ERBB4: variants seen among roughly 807,000 people sequenced by gnomAD.
The protein encoded by ERBB4 is erb-b2 receptor tyrosine kinase 4.
Under a neutral mutation model 158.0 loss-of-function variants are expected in ERBB4, and 42 were observed. The ratio of observed to expected loss-of-function variants is 0.27; its 90% CI spans 0.21 to 0.34. ERBB4 has a LOEUF of 0.34. Ranked by LOEUF, ERBB4 falls within the 10% of genes least tolerant of loss-of-function variation. ERBB4 has a pLI of 1.00. For missense variants in ERBB4, 1,333 were observed against 1,624.1 expected (o/e 0.82, Z 3.08); for synonymous variants, 583 against 558.7 (o/e 1.04, Z -0.61).
At chr2:211,580,907 A>ACATACACAC (rs58483804) in intron 19 of ERBB4, among the ~76,000 whole-genome samples, 1 of 91,816 alleles carries the variant, frequency 1.1e-5, no homozygotes, top group Non-Finnish European at 2.1e-5. Context: ...ATATATATAT[A>ACATACACAC]TATATATATG....
intron 2 of ERBB4, among the ~76,000 whole-genome samples, chr2:212,041,602 A>AC (rs199976318): frequency 1.4e-4 from 21 of 151,834 alleles, no homozygotes; most frequent in African/African-American, 5.1e-4. Context: ...AAAAAAAAAA[A>AC]CCAGTAGCAT....
intron 1 of ERBB4, among the ~76,000 whole-genome samples, chr2:212,537,911 T>A (rs1693189461): frequency 3.9e-5 from 6 of 152,088 alleles, no homozygotes; most frequent in Admixed American, 3.9e-4. Flanking sequence ...GCGAGTTGCG[T>A]CTGACGCCAC....
intron 16 of ERBB4, among the ~76,000 whole-genome samples, chr2:211,647,131 TGAA>T (rs1278646657): frequency 2.0e-5 from 3 of 151,644 alleles, no homozygotes; most frequent in African/African-American, 4.8e-5. Context: ...AATAAAATAA[TGAA>T]GGAGGGAGAC....
intron 2 of ERBB4, among the ~76,000 whole-genome samples, chr2:212,032,604 T>C (rs938499564): frequency 6.6e-6 from 1 of 152,070 alleles, no homozygotes; most frequent in Non-Finnish European, 1.5e-5. Context: ...TATGTGGATA[T>C]AATTTTAATA....
Position 212,206,993 on chromosome 2 carries a change from G to A in ERBB4, c.83-82090C>T, listed in dbSNP as rs192489810. 4.2e-4 allele frequency among the ~76,000 whole-genome samples: 56 copies of A among 133,390 alleles called. 3 individuals carry two copies. In the South Asian group the frequency reaches 5.2e-3, roughly 12 times the overall value. 87.5% of individuals were successfully genotyped at this position (133,390 alleles called of 152,430 possible). A position where few individuals can be genotyped will look rare whatever the true frequency, so the allele number is the denominator to read the frequency against. On this transcript the variant is annotated intron_variant, in intron 1 of 27. Transcript: ENST00000342788. ...AATTAACCATGTTGGTTTCTGAGAA[G>A]TTTCAAAAAAAAAAAAAAACTTTTG...
At chr2:212,251,746 T>G (rs1343550635) in intron 1 of ERBB4, among the ~76,000 whole-genome samples, 2 of 152,024 alleles carry the variant, frequency 1.3e-5, no homozygotes, top group Admixed American at 6.6e-5. Flanking sequence ...GGTGAAATGG[T>G]AGGAAATGAA....
chr2:211,774,198 G>A (rs562322393), intron 4 of ERBB4, among the ~76,000 whole-genome samples: 15 of 151,560 alleles, frequency 9.9e-5, no homozygotes, highest in Admixed American at 5.9e-4. Context: ...CCAGCCTCCC[G>A]AGTAGCTGGG....
chr2:212,279,987 AAAC>A (rs1223606592), intron 1 of ERBB4, among the ~76,000 whole-genome samples: 1 of 151,686 alleles, frequency 6.6e-6, no homozygotes, highest in Non-Finnish European at 1.5e-5. Context: ...AACAATAATC[AAAC>A]AACATCTAGA....
At chr2:211,406,123 C>T (rs1158261563) in intron 25 of ERBB4, among the ~76,000 whole-genome samples, 1 of 152,124 alleles carries the variant, frequency 6.6e-6, no homozygotes, top group Non-Finnish European at 1.5e-5. Flanking sequence ...TTGCCATGCC[C>T]CTGCTTAAAA....
intron 2 of ERBB4, among the ~76,000 whole-genome samples, chr2:212,049,176 G>T (rs1347280440): frequency 2.0e-5 from 3 of 152,068 alleles, no homozygotes; most frequent in Non-Finnish European, 2.9e-5. Context: ...ATCTTTCCTT[G>T]TTTACATTCT....
intron 3 of ERBB4, among the ~76,000 whole-genome samples, chr2:211,859,422 A>C (rs1416558495): frequency 1.3e-5 from 2 of 152,208 alleles, no homozygotes; most frequent in African/African-American, 4.8e-5. Flanking sequence ...CACATTTTTT[A>C]GGCTGAATTT....
intron 1 of ERBB4, among the ~76,000 whole-genome samples, chr2:212,420,648 G>T (rs937347065): frequency 2.0e-5 from 3 of 152,070 alleles, no homozygotes; most frequent in Non-Finnish European, 4.4e-5. Flanking sequence ...GTTTCTTTCT[G>T]CATCTGACTC....
chr2:211,417,187 T>C (rs2063412623), intron 25 of ERBB4, among the ~76,000 whole-genome samples: 1 of 152,144 alleles, frequency 6.6e-6, no homozygotes, highest in South Asian at 2.1e-4. Context: ...TTAAAAAGAT[T>C]TGAGGCCAGG....
rs530172958 is a variant in ERBB4 at position 211,761,377 on chromosome 2, T to C, written c.557-10673A>G. On this transcript the variant is annotated intron_variant, in intron 4 of 27. Coordinates refer to ENST00000342788, the MANE Select transcript of ERBB4 (RefSeq NM_005235.3). Reference sequence around the variant, plus strand: ...ATATAACATCCACAGCAAAGAAGGATACGTAATATATGCTGTTATCTGTCC... The same window carrying C: ...ATATAACATCCACAGCAAAGAAGGACACGTAATATATGCTGTTATCTGTCC... Among the ~76,000 whole-genome samples, 16 of 152,286 alleles carry C rather than the reference T, an allele frequency of 1.1e-4. No individual in the cohort carries two copies. The South Asian group carries it at 3.3e-3, about 32-fold the overall frequency.
At chr2:212,246,613 T>A (rs2106032432) in intron 1 of ERBB4, among the ~76,000 whole-genome samples, 1 of 152,200 alleles carries the variant, frequency 6.6e-6, no homozygotes, top group South Asian at 2.1e-4. Flanking sequence ...AGCTTAAAAA[T>A]AAGTGGTGTG....
intron 1 of ERBB4, among the ~76,000 whole-genome samples, chr2:212,188,915 T>C (rs1444385244): frequency 6.6e-6 from 1 of 152,090 alleles, no homozygotes; most frequent in Non-Finnish European, 1.5e-5. Flanking sequence ...ATTAAATGCA[T>C]GCTGAACATT....
At chr2:211,968,480 T>C (rs1165821899) in intron 2 of ERBB4, among the ~76,000 whole-genome samples, 1 of 152,090 alleles carries the variant, frequency 6.6e-6, no homozygotes, top group Non-Finnish European at 1.5e-5. Flanking sequence ...AAGCAGAATA[T>C]GAAATACATA....
At chr2:211,526,568 G>C (rs1195613239) in intron 20 of ERBB4, among the ~76,000 whole-genome samples, 1 of 151,912 alleles carries the variant, frequency 6.6e-6, no homozygotes, top group East Asian at 1.9e-4. Flanking sequence ...TCAATGCCCA[G>C]ACAGTGATCC....
At chr2:211,860,918 A>G (rs1359337707) in intron 3 of ERBB4, among the ~76,000 whole-genome samples, 4 of 134,052 alleles carry the variant, frequency 3.0e-5, no homozygotes, top group Non-Finnish European at 4.6e-5. Context: ...AGGAAAAAAC[A>G]AAGACAATAT....
Sources: allele counts gnomAD v4.1 joint callset (sites outside exome capture counted in the v4.1 genomes callset), GRCh38; gene constraint gnomAD v4.1.1; transcripts MANE v1.5; gene names NCBI Gene and HGNC (gene_info 2026-07-23, HGNC 2026-07-21).